VCAN: variants seen among roughly 807,000 people sequenced by gnomAD.
The protein encoded by VCAN is versican.
In VCAN, 44 loss-of-function variants were observed where a neutral mutation model predicts 245.5. The ratio of observed to expected loss-of-function variants is 0.18; its 90% CI spans 0.14 to 0.23. The LOEUF is 0.23. VCAN is among the 10% of genes least tolerant of loss of function. The probability of loss-of-function intolerance (pLI) is 1.00; values close to 1 mark genes in which losing one functional copy is unlikely to be tolerated. For missense variants in VCAN, 3,793 were observed against 4,057.9 expected, an observed-to-expected ratio of 0.93 and a Z score of 1.77; for synonymous variants, 1,413 against 1,437.0, an observed-to-expected ratio of 0.98 and a Z score of 0.38.
At chr5:83,507,931 TGA>T (rs1745530140) in intron 5 of VCAN, among the ~76,000 whole-genome samples, 1 of 152,218 alleles carries the variant, frequency 6.6e-6, no homozygotes, top group African/African-American at 2.4e-5. Flanking sequence ...ATGTTTTTAA[TGA>T]GATACGGGGT....
intron 3 of VCAN, among the ~76,000 whole-genome samples, chr5:83,492,018 C>A (rs1191254122): frequency 6.6e-6 from 1 of 151,776 alleles, no homozygotes; most frequent in African/African-American, 2.4e-5. Context: ...TACAAATTGG[C>A]GTTTGATTTT....
rs147551428 is a variant in VCAN at position 83,519,702 on chromosome 5, G to A, written c.1396G>A (p.Val466Ile). The A allele has an allele frequency of 1.6e-4, 262 of 1,614,106 alleles. No homozygotes were observed. Among genetic ancestry groups the A allele is most frequent in the Middle Eastern group, 3.3e-4 (2 of 6,062 alleles). ...KEEVLQSTTG[V>I]SHYATDSWDG... is the part of the protein sequence containing the mutation. ...AGAAGTGCTCCAGAGTACAACTGGC[G>A]TCTCTCATTATGCTACGGATTCATG... is the stretch of plus-strand genomic sequence containing the variant. The change falls in exon 7 of 15, where the codon GTC becomes ATC. Residue 466 changes from valine to isoleucine, a missense_variant. Around this residue, in one of 5 missense-constraint regions of VCAN, gnomAD observed 3,182 missense variants for 3,250.3 expected, o/e 0.98. Transcript: ENST00000265077.
chr5:83,528,440 C>A (rs762194933), intron 7 of VCAN, among the ~76,000 whole-genome samples: 4 of 152,006 alleles, frequency 2.6e-5, no homozygotes, highest in African/African-American at 2.4e-5. Flanking sequence ...GAGGCCATGT[C>A]ATCCCAGTGC....
At chr5:83,492,001 A>G (rs2112356021) in intron 3 of VCAN, among the ~76,000 whole-genome samples, 1 of 152,284 alleles carries the variant, frequency 6.6e-6, no homozygotes, top group Non-Finnish European at 1.5e-5. Context: ...GAGAGGTTCT[A>G]TAAAGGTACA....
At chr5:83,561,670 A>G (rs1055229874) in intron 12 of VCAN, among the ~76,000 whole-genome samples, 1 of 152,140 alleles carries the variant, frequency 6.6e-6, no homozygotes, top group Non-Finnish European at 1.5e-5. Flanking sequence ...TGTCAAGCAA[A>G]GTATTGTGAG....
intron 5 of VCAN, among the ~76,000 whole-genome samples, chr5:83,498,506 G>C (rs888186137): frequency 3.3e-5 from 5 of 152,104 alleles, no homozygotes; most frequent in African/African-American, 1.2e-4. Flanking sequence ...ACTTCTCCAG[G>C]ATCCATCAGT....
chr5:83,521,768 G>C lies in VCAN; in HGVS notation c.3462G>C (p.Leu1154Phe), dbSNP rs779510729. ...GSSTTGFTSS[L>F]SPFSTHITQL... ...GTACAACAGGATTTACATCATCTTT[G>C]AGTCCTTTTAGTACCCACATTACCC... The change falls in exon 7 of 15, where the codon TTG (leucine) becomes TTC (phenylalanine). Residue 1154 changes from leucine (L) to phenylalanine (F), a missense_variant. By Grantham distance (22) the Leu-to-Phe change is conservative. This residue lies in a region of VCAN where 3,182 missense variants were observed against 3,250.3 expected (regional missense o/e 0.98). Transcript: ENST00000265077. 1.9e-6 allele frequency: 3 copies of C among 1,614,130 alleles called. No individual in the cohort carries two copies. The East Asian group carries it at 6.7e-5, about 36-fold the overall frequency.
chr5:83,553,206 A>G (rs1433112467), intron 10 of VCAN, among the ~76,000 whole-genome samples, 158 bp from the exon 11 acceptor site: 2 of 152,234 alleles, frequency 1.3e-5, no homozygotes, highest in African/African-American at 2.4e-5. Context: ...GGCTCACTTC[A>G]TAATAATTTC....
At position 83,538,733 on chromosome 5, in the gene VCAN, G is replaced by A. The variant is rs910091804; in HGVS notation, c.5730G>A (p.Glu1910=). The change falls in exon 8 of 15, where the codon GAG becomes GAA. Residue 1910 remains glutamate, a synonymous_variant. Coordinates refer to ENST00000265077, the MANE Select transcript of VCAN (RefSeq NM_004385.5). ...TQTSREIVIS[E]RLGEPNYGAE... ...CATCCAGGGAAATAGTGATTTCAGA[G>A]CGATTAGGAGAACCAAATTATGGGG... 2 of 1,614,086 alleles carry A rather than the reference G, an allele frequency of 1.2e-6. No homozygotes were observed. Among genetic ancestry groups the A allele is most frequent in the Admixed American group, 1.7e-5 (1 of 60,002 alleles).
At chr5:83,491,749 A>G (rs2112355671) in intron 3 of VCAN, among the ~76,000 whole-genome samples, 1 of 152,296 alleles carries the variant, frequency 6.6e-6, no homozygotes, top group South Asian at 2.1e-4. Flanking sequence ...TTATTCCAGC[A>G]ACTGCAGATA....
At chr5:83,553,321 T>A in intron 10 of VCAN, 43 bp from the exon 11 acceptor site, 1 of 1,612,880 alleles carries the variant, frequency 6.2e-7, no homozygotes, top group Admixed American at 1.7e-5. Flanking sequence ...CAAGTTTGAA[T>A]GACGTATGTG....
At chr5:83,474,135 AAAG>A (rs1367651433) in intron 1 of VCAN, among the ~76,000 whole-genome samples, 4 of 152,130 alleles carry the variant, frequency 2.6e-5, no homozygotes, top group African/African-American at 4.8e-5. Flanking sequence ...GGATATTGCA[AAAG>A]AAGGGCTCCT....
chr5:83,536,666 T>C (rs540282008), intron 7 of VCAN: 130 of 172,302 alleles, frequency 7.5e-4, no homozygotes, highest in African/African-American at 3.0e-3. Flanking sequence ...TTAATTTTAC[T>C]CTTTTTGCAG....
At chr5:83,516,080 A>T (rs1745845055) in intron 6 of VCAN, among the ~76,000 whole-genome samples, 1 of 152,142 alleles carries the variant, frequency 6.6e-6, no homozygotes, top group African/African-American at 2.4e-5. Flanking sequence ...AAAATACAAA[A>T]AATTAGCCGG....
chr5:83,550,022 C>T (rs1376461141), intron 10 of VCAN, among the ~76,000 whole-genome samples: 2 of 152,166 alleles, frequency 1.3e-5, no homozygotes, highest in Non-Finnish European at 2.9e-5. Flanking sequence ...AAATAGGGGA[C>T]ACATTTTGGT....
At chr5:83,529,170 G>A (rs1392115271) in intron 7 of VCAN, among the ~76,000 whole-genome samples, 4 of 151,444 alleles carry the variant, frequency 2.6e-5, no homozygotes, top group Non-Finnish European at 1.5e-5. Context: ...AACCAACATG[G>A]AGATGTAGTT....
In VCAN at chr5:83,522,172, A is replaced by G; in HGVS notation, c.3866A>G (p.Gln1289Arg). The G allele has an allele frequency of 6.2e-7, 1 of 1,609,342 alleles. No homozygotes were observed. Among genetic ancestry groups the G allele is most frequent in the Non-Finnish European group, 8.5e-7 (1 of 1,179,984 alleles). The change falls in exon 7 of 15, where the codon CAG (glutamine) becomes CGG (arginine). Residue 1289 changes from glutamine (Q) to arginine (R), a missense_variant. By Grantham distance (43) the Gln-to-Arg change is conservative. This residue lies in a region of VCAN where 3,182 missense variants were observed against 3,250.3 expected (regional missense o/e 0.98). Coordinates refer to ENST00000265077, the MANE Select transcript of VCAN (RefSeq NM_004385.5). The part of the protein sequence containing the change: ...YFTTSSPPAT[Q>R]PTRPPTVEDK... ...ACGACTTCAAGTCCTCCTGCTACAC[A>G]GCCAACAAGACCACCCACTGTGGAA...
At chr5:83,529,325 A>G (rs2112425540) in intron 7 of VCAN, among the ~76,000 whole-genome samples, 1 of 139,940 alleles carries the variant, frequency 7.1e-6, no homozygotes, top group South Asian at 2.4e-4. Flanking sequence ...AAACATGGAT[A>G]AAGAATATTT....
chr5:83,546,424 C>T (rs780248506), intron 9 of VCAN, among the ~76,000 whole-genome samples: 13 of 151,842 alleles, frequency 8.6e-5, no homozygotes, highest in East Asian at 3.9e-4. Flanking sequence ...ATCAATATTG[C>T]GATACAATCC....
Sources: allele counts gnomAD v4.1 joint callset (sites outside exome capture counted in the v4.1 genomes callset), GRCh38; gene constraint gnomAD v4.1.1; regional missense constraint gnomAD v4.1.1; transcripts MANE v1.5; gene names NCBI Gene and HGNC (gene_info 2026-07-23, HGNC 2026-07-21).